The following SLC8A1 variants were observed in gnomAD, a reference collection of about 807,000 sequenced individuals.
The protein encoded by SLC8A1 is solute carrier family 8 member A1.
In SLC8A1, 18 loss-of-function variants were observed where a neutral mutation model predicts 68.3. The ratio of observed to expected loss-of-function variants is 0.26; its 90% CI spans 0.18 to 0.39. The LOEUF (loss-of-function observed/expected upper bound fraction) is 0.39, where lower values mean the gene tolerates loss of function less well. SLC8A1 is among the 10% of genes least tolerant of loss of function. SLC8A1 has a pLI of 1.00. For missense variants in SLC8A1, 985 were observed against 1,156.7 expected, an observed-to-expected ratio of 0.85 and a Z score of 2.15; for synonymous variants, 475 against 415.5, an observed-to-expected ratio of 1.14 and a Z score of -1.74.
chr2:40,147,562 G>A (rs570956747), intron 6 of SLC8A1, among the ~76,000 whole-genome samples: 1 of 152,308 alleles, frequency 6.6e-6, no homozygotes, highest in African/African-American at 2.4e-5. Context: ...CAGGTTCTAA[G>A]ACTGGCCTGA....
chr2:40,216,408 T>G (rs995786068), intron 2 of SLC8A1, among the ~76,000 whole-genome samples: 8 of 152,230 alleles, frequency 5.3e-5, no homozygotes, highest in Non-Finnish European at 8.8e-5. Context: ...CTATCATTGA[T>G]GGGCATTTGT....
rs201920666 is a variant in SLC8A1 at position 40,115,405 on chromosome 2, C to T, written c.2662G>A (p.Val888Met). The change falls in exon 8 of 8, where the codon GTG (valine) becomes ATG (methionine). Residue 888 changes from valine to methionine, a missense_variant. This residue lies in a region of SLC8A1 where 144 missense variants were observed against 260.4 expected (regional missense o/e 0.55). Transcript: ENST00000406785. The stretch of plus-strand genomic sequence containing the variant: ...TCTGGCCTCCGCCGATACAGCAGCA[C>T]CCCCACATTGATGAAAGCAAAAATG... The T allele has an allele frequency of 3.0e-5, 48 of 1,614,004 alleles. No individual in the cohort carries two copies. The highest frequency in any genetic ancestry group is 1.6e-4 in the Middle Eastern group (1 of 6,084).
chr2:40,111,399 C>T (rs1323973854), exon 8 of SLC8A1: 1 of 152,064 alleles, frequency 6.6e-6, no homozygotes, highest in East Asian at 1.9e-4. Context: ...CAGTTTGATA[C>T]TATAAAATAT....
intron 2 of SLC8A1, among the ~76,000 whole-genome samples, chr2:40,252,823 T>TAAAATTTG (rs1574741746): frequency 4.3e-5 from 5 of 117,004 alleles, no homozygotes; most frequent in Middle Eastern, 5.4e-3. Flanking sequence ...TACATATATA[T>TAAAATTTG]GTATATACAT....
exon 8 of SLC8A1, chr2:40,115,232 T>C: frequency 6.6e-7 from 1 of 1,523,446 alleles, no homozygotes; most frequent in South Asian, 1.3e-5. Flanking sequence ...ATATATAAAT[T>C]TACTATATCT....
At chr2:40,234,901 T>A (rs1046019836) in intron 2 of SLC8A1, among the ~76,000 whole-genome samples, 1 of 152,182 alleles carries the variant, frequency 6.6e-6, no homozygotes, top group Admixed American at 6.5e-5. Context: ...CTGGATTATA[T>A]TTATTGATTT....
intron 2 of SLC8A1, chr2:40,254,817 T>A (rs963151599): frequency 6.6e-6 from 1 of 152,218 alleles, no homozygotes; most frequent in African/African-American, 2.4e-5. Context: ...TATTAACATC[T>A]TCCTTTGAGC....
chr2:40,389,821 TATG>T (rs1684725102), intron 2 of SLC8A1, among the ~76,000 whole-genome samples: 1 of 148,970 alleles, frequency 6.7e-6, no homozygotes, highest in African/African-American at 2.5e-5. Context: ...ATATATGATA[TATG>T]ATATATATGA....
intron 1 of SLC8A1, among the ~76,000 whole-genome samples, chr2:40,440,062 G>C (rs1162999997): frequency 6.6e-6 from 1 of 152,108 alleles, no homozygotes; most frequent in Non-Finnish European, 1.5e-5. Flanking sequence ...ACCAAAGGGA[G>C]TGTTGGTGAC....
At chr2:40,309,596 C>T (rs369414188) in intron 2 of SLC8A1, among the ~76,000 whole-genome samples, 4 of 149,260 alleles carry the variant, frequency 2.7e-5, no homozygotes, top group African/African-American at 9.9e-5. Context: ...AATTTCTGCT[C>T]CCAGGTTCAA....
chr2:40,370,758 C>T (rs1231924507), intron 2 of SLC8A1, among the ~76,000 whole-genome samples: 1 of 152,032 alleles, frequency 6.6e-6, no homozygotes, highest in African/African-American at 2.4e-5. Context: ...TTACAATTTA[C>T]AAAGCACTTT....
At chr2:40,349,101 G>A (rs1670261393) in intron 2 of SLC8A1, among the ~76,000 whole-genome samples, 1 of 152,118 alleles carries the variant, frequency 6.6e-6, no homozygotes, top group Admixed American at 6.5e-5. Flanking sequence ...TCATTCTTCA[G>A]GGGCTAACAG....
chr2:40,281,932 C>T (rs903639590), intron 2 of SLC8A1, among the ~76,000 whole-genome samples: 1 of 152,070 alleles, frequency 6.6e-6, no homozygotes, highest in African/African-American at 2.4e-5. Context: ...CTGGATTTAT[C>T]CTAATCTAAT....
At chr2:40,456,677 G>T (rs1703042736), upstream of SLC8A1, among the ~76,000 whole-genome samples, 1 of 152,192 alleles carries the variant, frequency 6.6e-6, no homozygotes, top group East Asian at 1.9e-4. Flanking sequence ...TATATAGGAT[G>T]CTTGGCATAG....
intron 2 of SLC8A1, among the ~76,000 whole-genome samples, chr2:40,238,295 T>C (rs1458950983): frequency 1.3e-5 from 2 of 152,200 alleles, no homozygotes; most frequent in Non-Finnish European, 2.9e-5. Context: ...AGGTGCGGGA[T>C]ATAATCTCGT....
At chr2:40,387,688 A>C (rs896659434) in intron 2 of SLC8A1, among the ~76,000 whole-genome samples, 1 of 151,446 alleles carries the variant, frequency 6.6e-6, no homozygotes, top group Non-Finnish European at 1.5e-5. Flanking sequence ...CTGTAATCCC[A>C]AAACATTGAG....
At chr2:40,172,258 A>C (rs1368813410) in intron 4 of SLC8A1, among the ~76,000 whole-genome samples, 1 of 152,218 alleles carries the variant, frequency 6.6e-6, no homozygotes, top group Non-Finnish European at 1.5e-5. Flanking sequence ...TAGGAAAAGA[A>C]GGGTCATGTA....
chr2:40,485,590 T>C (rs2149917425), intron 1 of SLC8A1, among the ~76,000 whole-genome samples: 1 of 152,356 alleles, frequency 6.6e-6, no homozygotes, highest in East Asian at 1.9e-4. Context: ...AATTCATCTT[T>C]ATTTCAACAA....
exon 2 of SLC8A1, chr2:40,428,704 G>A (rs991920700): frequency 1.9e-6 from 3 of 1,613,716 alleles, no homozygotes; most frequent in Non-Finnish European, 2.5e-6. Flanking sequence ...TACAGTGGCA[G>A]TGGAGGGAGA....
Sources: allele counts gnomAD v4.1 joint callset (sites outside exome capture counted in the v4.1 genomes callset), GRCh38; gene constraint gnomAD v4.1.1; regional missense constraint gnomAD v4.1.1; transcripts MANE v1.5; gene names NCBI Gene and HGNC (gene_info 2026-07-23, HGNC 2026-07-21).